LHFPL3: variants seen among roughly 807,000 people sequenced by gnomAD.
LHFPL3 encodes the protein LHFPL tetraspan subfamily member 3, also known as LHFPL tetraspan subfamily member 3 protein.
In LHFPL3, 5 loss-of-function variants were observed where a neutral mutation model predicts 19.3. The observed-to-expected ratio is 0.26, with a 90% confidence interval of 0.14 to 0.54. The LOEUF is 0.54. Ranked by LOEUF, LHFPL3 falls within the 20% of genes least tolerant of loss-of-function variation. The pLI, the probability that LHFPL3 is intolerant of heterozygous loss-of-function variation, is 0.94. For missense variants in LHFPL3, 249 were observed against 307.4 expected (o/e 0.81, Z 1.42); for synonymous variants, 133 against 126.2 (o/e 1.05, Z -0.36).
chr7:104,404,637 C>T (rs188459223), intron 1 of LHFPL3, among the ~76,000 whole-genome samples: 4 of 152,260 alleles, frequency 2.6e-5, no homozygotes, highest in Admixed American at 1.3e-4. Flanking sequence ...CCAAAGTAAT[C>T]GTTCTGTCTC....
chr7:104,347,890 T>TA (rs34331956), intron 1 of LHFPL3, among the ~76,000 whole-genome samples: 40,939 of 146,368 alleles, frequency 0.28, 6,106 homozygotes, highest in Admixed American at 0.38. Context: ...GACTCTGTCT[T>TA]AAAAAAAAAA....
intron 1 of LHFPL3, among the ~76,000 whole-genome samples, chr7:104,715,625 C>T (rs935887667): frequency 6.6e-6 from 1 of 152,130 alleles, no homozygotes; most frequent in Non-Finnish European, 1.5e-5. Flanking sequence ...TTCTCAAGTG[C>T]TTTTCCTACA....
chr7:104,574,941 G>A (rs142159923), intron 1 of LHFPL3, among the ~76,000 whole-genome samples: 10 of 152,120 alleles, frequency 6.6e-5, no homozygotes, highest in African/African-American at 2.4e-4. Flanking sequence ...GACAAAAAAG[G>A]GTACCCTGTA....
chr7:104,722,618 T>C (rs145152620), intron 1 of LHFPL3, among the ~76,000 whole-genome samples: 5 of 152,326 alleles, frequency 3.3e-5, no homozygotes, highest in African/African-American at 7.2e-5. Context: ...ATAAATATTA[T>C]AGCTCAAGTT....
chr7:104,591,407 G>C (rs887306209), intron 1 of LHFPL3, among the ~76,000 whole-genome samples: 2 of 152,170 alleles, frequency 1.3e-5, no homozygotes, highest in African/African-American at 2.4e-5. Context: ...ATTCTGGATT[G>C]AAAATTCTTT....
intron 1 of LHFPL3, among the ~76,000 whole-genome samples, chr7:104,397,551 A>C (rs548845505): frequency 6.6e-6 from 1 of 152,036 alleles, no homozygotes; most frequent in South Asian, 2.1e-4. Flanking sequence ...CATATACTTT[A>C]CCCCTAGTTT....
intron 2 of LHFPL3, among the ~76,000 whole-genome samples, chr7:104,894,400 G>A (rs1792314129): frequency 1.3e-5 from 2 of 152,248 alleles, no homozygotes; most frequent in South Asian, 2.1e-4. Context: ...AAGGATTACA[G>A]CTGATTTCTA....
At chr7:104,773,547 C>T (rs936965847) in intron 2 of LHFPL3, among the ~76,000 whole-genome samples, 3 of 152,166 alleles carry the variant, frequency 2.0e-5, no homozygotes, top group Non-Finnish European at 4.4e-5. Flanking sequence ...GAATTGCATC[C>T]CCCTAAAATT....
At chr7:104,384,317 A>G (rs1295585575) in intron 1 of LHFPL3, among the ~76,000 whole-genome samples, 4 of 152,204 alleles carry the variant, frequency 2.6e-5, no homozygotes, top group African/African-American at 9.6e-5. Flanking sequence ...CTTTTTAGAC[A>G]GTTTTGTTGA....
chr7:104,804,444 C>T (rs1255917117), intron 2 of LHFPL3, among the ~76,000 whole-genome samples: 1 of 152,234 alleles, frequency 6.6e-6, no homozygotes, highest in Non-Finnish European at 1.5e-5. Flanking sequence ...GTGATCTCCA[C>T]CTCCTGGTGT....
At chr7:104,668,443 G>A (rs1168287128) in intron 1 of LHFPL3, 14 of 1,608,906 alleles carry the variant, frequency 8.7e-6, no homozygotes, top group African/African-American at 2.7e-5. Flanking sequence ...GATTCAGACC[G>A]GTATCGGGAT....
chr7:104,687,580 G>T (rs1277702416), intron 1 of LHFPL3, among the ~76,000 whole-genome samples: 1 of 152,194 alleles, frequency 6.6e-6, no homozygotes, highest in African/African-American at 2.4e-5. Context: ...CATTAGCATA[G>T]AAAAGACACG....
chr7:104,874,351 G>A (rs1471051338), intron 2 of LHFPL3, among the ~76,000 whole-genome samples: 1 of 147,864 alleles, frequency 6.8e-6, no homozygotes. Context: ...TTTCAAGAGT[G>A]TCTTTCTGCT....
intron 2 of LHFPL3, among the ~76,000 whole-genome samples, chr7:104,757,301 T>C (rs547169748): frequency 6.6e-6 from 1 of 152,086 alleles, no homozygotes; most frequent in Non-Finnish European, 1.5e-5. Context: ...CCTTGGGACA[T>C]AATTTATAAC....
At chr7:104,654,146 T>C (rs1792083390) in intron 1 of LHFPL3, among the ~76,000 whole-genome samples, 1 of 152,172 alleles carries the variant, frequency 6.6e-6, no homozygotes, top group Non-Finnish European at 1.5e-5. Context: ...ATTTAATTAA[T>C]AGGTTTCTTA....
At chr7:104,383,598 AG>A (rs1362704938) in intron 1 of LHFPL3, among the ~76,000 whole-genome samples, 47 of 152,322 alleles carry the variant, frequency 3.1e-4, no homozygotes, top group African/African-American at 1.1e-3. Context: ...TTTTCTCCTA[AG>A]GAGCAACATT....
chr7:104,716,238 T>C (rs1389262801), intron 1 of LHFPL3, among the ~76,000 whole-genome samples: 5 of 152,022 alleles, frequency 3.3e-5, no homozygotes. Context: ...TCCCAGCTAT[T>C]TGGGAGGCTG....
chr7:104,449,280 G>A (rs909881781), intron 1 of LHFPL3, among the ~76,000 whole-genome samples: 1 of 152,022 alleles, frequency 6.6e-6, no homozygotes, highest in Non-Finnish European at 1.5e-5. Context: ...TTTTTTCCCT[G>A]AAGGACAAAA....
chr7:104,906,830 A>G lies in LHFPL3; in HGVS notation c.*615A>G, dbSNP rs994023384. On this transcript the variant is annotated 3_prime_UTR_variant, in exon 3 of 3. Transcript: ENST00000424859. ...AGTTATTAAGAGACGTAACGCTTCA[A>G]ACTTTTTACCAAGTCTGTGTTCTGT... 6.5e-6 allele frequency: 1 copy of G among 152,730 alleles called. No homozygotes were observed. Among genetic ancestry groups the G allele is most frequent in the African/African-American group, 2.4e-5 (1 of 41,450 alleles). The allele number at this position is 152,730 out of a possible 1,614,324, so 9.5% of individuals were successfully genotyped here. A position where few individuals can be genotyped will look rare whatever the true frequency, so the allele number is the denominator to read the frequency against.
Sources: gnomAD v4.1 joint callset for allele counts (sites outside exome capture counted in the v4.1 genomes callset) on GRCh38, gnomAD v4.1.1 for gene constraint, MANE v1.5 for transcripts, NCBI Gene and HGNC (gene_info 2026-07-23, HGNC 2026-07-21) for gene names.